Variants in NRG1 observed in about 807,000 individuals in gnomAD.
NRG1 encodes the protein pro-neuregulin-1, membrane-bound isoform.
A neutral mutation model predicts 63.8 loss-of-function variants in NRG1; 18 were observed. That is an observed-to-expected ratio of 0.28 (90% confidence interval 0.19 to 0.42). The LOEUF (loss-of-function observed/expected upper bound fraction) is 0.42, where lower values mean the gene tolerates loss of function less well. Among genes scored for constraint, NRG1 ranks in the 10% least tolerant of loss-of-function variants. The probability of loss-of-function intolerance (pLI) is 1.00; values close to 1 mark genes in which losing one functional copy is unlikely to be tolerated. For missense variants in NRG1, 762 were observed against 814.7 expected, an observed-to-expected ratio of 0.94 and a Z score of 0.79; for synonymous variants, 302 against 301.3, an observed-to-expected ratio of 1.00 and a Z score of -0.02.
chr8:32,373,724 G>C (rs1221964764), intron 1 of NRG1, among the ~76,000 whole-genome samples: 1 of 152,112 alleles, frequency 6.6e-6, no homozygotes, highest in African/African-American at 2.4e-5. Context: ...GTTGCAGTGA[G>C]CCAAGATTGC....
At chr8:31,889,478 A>G (rs574114395) in intron 1 of NRG1, among the ~76,000 whole-genome samples, 1 of 152,336 alleles carries the variant, frequency 6.6e-6, no homozygotes, top group East Asian at 1.9e-4. Context: ...ACTGAGGAAC[A>G]TATACTCCAG....
At chr8:32,446,694 GA>G (rs545465719) in intron 1 of NRG1, among the ~76,000 whole-genome samples, 48 of 151,616 alleles carry the variant, frequency 3.2e-4, no homozygotes, top group Admixed American at 1.1e-3. Context: ...CCTGTAGACA[GA>G]AGGAGTGTTT....
chr8:31,724,270 G>A (rs1813205163), intron 1 of NRG1, among the ~76,000 whole-genome samples: 1 of 152,070 alleles, frequency 6.6e-6, no homozygotes, highest in African/African-American at 2.4e-5. Flanking sequence ...GAACAATGGT[G>A]TGTTCAGAAA....
At chr8:32,587,360 C>T (rs1262372749) in intron 1 of NRG1, among the ~76,000 whole-genome samples, 2 of 152,088 alleles carry the variant, frequency 1.3e-5, no homozygotes, top group Admixed American at 1.3e-4. Context: ...GAGGCAGGGT[C>T]CAGTTTGAGA....
At chr8:32,037,843 C>T (rs1819323860) in intron 1 of NRG1, among the ~76,000 whole-genome samples, 1 of 152,186 alleles carries the variant, frequency 6.6e-6, no homozygotes, top group South Asian at 2.1e-4. Flanking sequence ...CCACCGAACT[C>T]GGTCTTCTTA....
chr8:31,965,468 C>A (rs1251863349), intron 1 of NRG1, among the ~76,000 whole-genome samples: 1 of 152,120 alleles, frequency 6.6e-6, no homozygotes, highest in Non-Finnish European at 1.5e-5. Context: ...TGTGATCCAC[C>A]CGCCTTGGCC....
intron 1 of NRG1, among the ~76,000 whole-genome samples, chr8:31,766,543 C>CAATTTCTGAA (rs2131547206): frequency 6.6e-6 from 1 of 152,212 alleles, no homozygotes; most frequent in East Asian, 1.9e-4. Flanking sequence ...TCAGTAGAGT[C>CAATTTCTGAA]AATTTCTGAA....
At chr8:32,371,976 T>C (rs559807811) in intron 1 of NRG1, among the ~76,000 whole-genome samples, 22 of 139,630 alleles carry the variant, frequency 1.6e-4, no homozygotes, top group Non-Finnish European at 2.5e-4. Flanking sequence ...TCTTTCTTTC[T>C]TTTTTCTTCT....
rs371122130 is a variant in NRG1, at chr8:31,867,715, GGTTT to G, written c.37+228285_37+228288del. On this transcript the variant is annotated intron_variant, in intron 1 of 10. Coordinates refer to the NRG1 transcript ENST00000519301. ...GAAACTGAAATCAGCACATTTTTCT[GGTTT>G]CGGTTCTTTTGGGGAAACACTGTTA... 9.0e-3 allele frequency among the ~76,000 whole-genome samples: 1,372 copies of G among 152,102 alleles called. 17 individuals carry two copies. The highest frequency in any genetic ancestry group is 0.031 in the African/African-American group (1,297 of 41,498).
At chr8:31,695,476 CTT>C (rs1809966078) in intron 1 of NRG1, among the ~76,000 whole-genome samples, 1 of 152,170 alleles carries the variant, frequency 6.6e-6, no homozygotes, top group Non-Finnish European at 1.5e-5. Context: ...GGCCTACACA[CTT>C]TTAAATCTTT....
intron 1 of NRG1, among the ~76,000 whole-genome samples, chr8:31,947,331 A>G (rs1802736133): frequency 7.1e-6 from 1 of 140,860 alleles, no homozygotes; most frequent in East Asian, 2.0e-4. Flanking sequence ...AAAAAAAAAA[A>G]AGAATGGATA....
chr8:32,157,457 C>T (rs892795368), intron 1 of NRG1, among the ~76,000 whole-genome samples: 15 of 150,740 alleles, frequency 1.0e-4, no homozygotes, highest in African/African-American at 2.7e-4. Flanking sequence ...GTCAGGAGTC[C>T]CAGACCAGCC....
chr8:32,545,948 A>C (rs1299732581), upstream of NRG1, among the ~76,000 whole-genome samples: 2 of 152,090 alleles, frequency 1.3e-5, no homozygotes, highest in African/African-American at 2.4e-5. Context: ...CCTCCATCAC[A>C]TCAAACCAAG....
intron 1 of NRG1, among the ~76,000 whole-genome samples, chr8:32,161,919 G>C (rs1838874230): frequency 6.6e-6 from 1 of 152,172 alleles, no homozygotes; most frequent in Non-Finnish European, 1.5e-5. Flanking sequence ...TAAACCTTCT[G>C]CTCACATTCC....
At chr8:32,652,729 A>G (rs576812889) in intron 5 of NRG1, among the ~76,000 whole-genome samples, 1 of 144,406 alleles carries the variant, frequency 6.9e-6, no homozygotes, top group South Asian at 2.1e-4. Context: ...TCAAATTTTT[A>G]CCTTCTTCTT....
intron 1 of NRG1, among the ~76,000 whole-genome samples, chr8:32,573,737 G>C (rs1258208955): frequency 1.3e-5 from 2 of 151,788 alleles, no homozygotes; most frequent in African/African-American, 2.4e-5. Context: ...GTGCCGTGTT[G>C]GTGTGCTGCA....
chr8:32,332,633 T>C (rs1802788438), intron 1 of NRG1, among the ~76,000 whole-genome samples: 2 of 152,230 alleles, frequency 1.3e-5, no homozygotes, highest in African/African-American at 2.4e-5. Context: ...GAGCAGTCTA[T>C]TATTTTCACC....
chr8:32,043,824 A>G (rs1305501281), intron 1 of NRG1, among the ~76,000 whole-genome samples: 4 of 151,838 alleles, frequency 2.6e-5, no homozygotes, highest in Non-Finnish European at 5.9e-5. Context: ...AACCTGATAT[A>G]CTTCGGTGGA....
At chr8:31,864,314 A>C (rs67883841) in intron 1 of NRG1, among the ~76,000 whole-genome samples, 1 of 152,018 alleles carries the variant, frequency 6.6e-6, no homozygotes, top group African/African-American at 2.4e-5. Context: ...CTCTTAGTGC[A>C]GTAGAGACAC....
Sources: gnomAD v4.1 joint callset for allele counts (sites outside exome capture counted in the v4.1 genomes callset) on GRCh38, gnomAD v4.1.1 for gene constraint, MANE v1.5 for transcripts, NCBI Gene and HGNC (gene_info 2026-07-23, HGNC 2026-07-21) for gene names.